Variants in CAPZA2 observed in about 807,000 individuals in gnomAD.
CAPZA2 encodes the protein F-actin-capping protein subunit alpha-2.
In CAPZA2, 13 loss-of-function variants were observed where a neutral mutation model predicts 44.0. The ratio of observed to expected loss-of-function variants is 0.30; its 90% CI spans 0.19 to 0.47. CAPZA2 has a LOEUF of 0.47. CAPZA2 is among the 20% of genes least tolerant of loss of function. The pLI is 1.00. For missense variants in CAPZA2, 244 were observed against 338.6 expected (o/e 0.72, Z 2.19); for synonymous variants, 94 against 108.2 (o/e 0.87, Z 0.81).
rs181297369 is a variant in CAPZA2, at chr7:116,901,089, G to T, written c.219+2254G>T. Among the ~76,000 whole-genome samples the T allele has an allele frequency of 1.9e-3, 286 of 152,206 alleles. 6 individuals carry two copies. The highest frequency in any genetic ancestry group is 3.8e-4 in the Non-Finnish European group (26 of 67,984). On this transcript the variant is annotated intron_variant, in intron 4 of 9. Transcript: ENST00000361183. The stretch of plus-strand genomic sequence containing the variant: ...GAGTGTATATTCAACTATTATAGAA[G>T]ACAGTGTGGCGATTCCTCAGAGATC...
At chr7:116,903,491 G>A (rs561989094) in intron 4 of CAPZA2, among the ~76,000 whole-genome samples, 1 of 152,162 alleles carries the variant, frequency 6.6e-6, no homozygotes, top group Admixed American at 6.5e-5. Flanking sequence ...TCAGAGGGAT[G>A]GATAAGTCCC....
intron 2 of CAPZA2, among the ~76,000 whole-genome samples, chr7:116,891,552 C>T (rs1322260261): frequency 6.6e-6 from 1 of 152,154 alleles, no homozygotes; most frequent in Non-Finnish European, 1.5e-5. Context: ...CGCTCTGTTG[C>T]CCAGGATGGA....
At chr7:116,892,216 T>C (rs1275399434) in intron 2 of CAPZA2, among the ~76,000 whole-genome samples, 1 of 152,186 alleles carries the variant, frequency 6.6e-6, no homozygotes. Context: ...ATGGAAGATA[T>C]TTAGGTTGTT....
At chr7:116,869,880 G>GT (rs11388251) in intron 1 of CAPZA2, among the ~76,000 whole-genome samples, 8,371 of 151,992 alleles carry the variant, frequency 0.055, 798 homozygotes, top group African/African-American at 0.19. Context: ...GTTTTGTTTT[G>GT]TTTTTTTGAG....
At chr7:116,898,353 A>T (rs956493756) in intron 3 of CAPZA2, among the ~76,000 whole-genome samples, 13 of 150,142 alleles carry the variant, frequency 8.7e-5, no homozygotes, top group African/African-American at 2.2e-4. Flanking sequence ...ATGTTTATCC[A>T]TTTTCTCTTT....
At chr7:116,877,872 T>C (rs563054094) in intron 1 of CAPZA2, among the ~76,000 whole-genome samples, 25 of 151,996 alleles carry the variant, frequency 1.6e-4, no homozygotes, top group African/African-American at 5.8e-4. Context: ...AGGTGGAAAA[T>C]GAATTTTGGA....
chr7:116,894,842 T>C (rs188243116), intron 3 of CAPZA2, among the ~76,000 whole-genome samples: 7 of 152,330 alleles, frequency 4.6e-5, no homozygotes, highest in Middle Eastern at 3.4e-3. Flanking sequence ...CCTTCCTTTT[T>C]AGGGCTAATA....
At chr7:116,877,057 T>A (rs1395824955) in intron 1 of CAPZA2, among the ~76,000 whole-genome samples, 1 of 152,220 alleles carries the variant, frequency 6.6e-6, no homozygotes, top group African/African-American at 2.4e-5. Flanking sequence ...AAAGATTGTT[T>A]GGCTAGGGGA....
intron 1 of CAPZA2, among the ~76,000 whole-genome samples, chr7:116,865,177 C>CT (rs1011886318): frequency 0.019 from 1,673 of 87,932 alleles, 238 homozygotes; most frequent in East Asian, 0.035. Flanking sequence ...GCGCTCTCTT[C>CT]TTTTTTTTTT....
rs1791765387 is a variant in CAPZA2, at chr7:116,921,156, T to G, written c.*3289T>G. The stretch of plus-strand genomic sequence containing the variant: ...ATCCCAGCACTTTAGGAGGCTGAGG[T>G]GGGTGGATCATGAGGTCCAGAGATC... On this transcript the variant is annotated 3_prime_UTR_variant, in exon 10 of 10. Coordinates refer to ENST00000361183, the MANE Select transcript of CAPZA2 (RefSeq NM_006136.3). 1 of 149,994 alleles carries G rather than the reference T, an allele frequency of 6.7e-6. No homozygotes were observed. Among genetic ancestry groups the G allele is most frequent in the Admixed American group, 6.6e-5 (1 of 15,098 alleles). The allele number at this position is 149,994 out of a possible 1,614,324, so 9.3% of individuals were successfully genotyped here.
chr7:116,882,101 A>G (rs1015540214), intron 1 of CAPZA2, among the ~76,000 whole-genome samples: 5 of 152,152 alleles, frequency 3.3e-5, no homozygotes, highest in African/African-American at 1.2e-4. Flanking sequence ...TTGATCATTT[A>G]TTTGGTAAAG....
intron 7 of CAPZA2, 124 bp downstream of exon 7, chr7:116,910,435 A>G (rs1463567630): frequency 8.2e-6 from 5 of 611,392 alleles, no homozygotes; most frequent in Non-Finnish European, 1.5e-5. Flanking sequence ...TTTTGGGGTA[A>G]TGGGAAAAAC....
At chr7:116,897,046 T>G (rs1796937035) in intron 3 of CAPZA2, among the ~76,000 whole-genome samples, 1 of 152,182 alleles carries the variant, frequency 6.6e-6, no homozygotes, top group Admixed American at 6.5e-5. Flanking sequence ...TTCATATTAC[T>G]TGTCTCCTTT....
At chr7:116,881,530 G>A in intron 1 of CAPZA2, among the ~76,000 whole-genome samples, 1 of 152,002 alleles carries the variant, frequency 6.6e-6, no homozygotes, top group Admixed American at 6.6e-5. Flanking sequence ...ACGAGGTCAG[G>A]AGATCAAGAC....
chr7:116,910,352 G>A, intron 7 of CAPZA2, 41 bp downstream of exon 7: 1 of 941,324 alleles, frequency 1.1e-6, no homozygotes, highest in Non-Finnish European at 1.7e-6. Flanking sequence ...AGATGATTCT[G>A]AACAGAGAAA....
At chr7:116,888,254 A>G (rs1796788645) in intron 2 of CAPZA2, 64 bp downstream of exon 2, 7 of 1,110,724 alleles carry the variant, frequency 6.3e-6, no homozygotes, top group Non-Finnish European at 9.4e-6. Flanking sequence ...AGAAAACCAA[A>G]ATAATCAAAA....
intron 2 of CAPZA2, among the ~76,000 whole-genome samples, chr7:116,892,404 A>G (rs1796857518): frequency 1.3e-5 from 2 of 152,180 alleles, no homozygotes; most frequent in Non-Finnish European, 2.9e-5. Context: ...ATGTTTTACA[A>G]AGTGCTTGGA....
chr7:116,877,952 T>C (rs1163222758), intron 1 of CAPZA2, among the ~76,000 whole-genome samples: 1 of 152,050 alleles, frequency 6.6e-6, no homozygotes, highest in Non-Finnish European at 1.5e-5. Context: ...CTGAATAAAA[T>C]GGAATGGAAT....
rs1288628168 is a variant in CAPZA2 at position 116,918,742 on chromosome 7, T to A, written c.*875T>A. On this transcript the variant is annotated 3_prime_UTR_variant, in exon 10 of 10. Transcript: ENST00000361183. ...ATGCAAATTTTCCTATTTATTTGAG[T>A]AGAAAATCACTTACCAGTGAGCATA... 1 of 152,118 alleles carries A rather than the reference T, an allele frequency of 6.6e-6. No homozygotes were observed. The highest frequency in any genetic ancestry group is 1.5e-5 in the Non-Finnish European group (1 of 68,000). The allele number at this position is 152,118 out of a possible 1,614,324, so 9.4% of individuals were successfully genotyped here.
Sources: gnomAD v4.1 joint callset for allele counts (sites outside exome capture counted in the v4.1 genomes callset) on GRCh38, gnomAD v4.1.1 for gene constraint, MANE v1.5 for transcripts, NCBI Gene and HGNC (gene_info 2026-07-23, HGNC 2026-07-21) for gene names.